The following MACROD2 variants were observed in gnomAD, a reference collection of about 807,000 sequenced individuals.
MACROD2 encodes the protein mono-ADP ribosylhydrolase 2.
Under a neutral mutation model 70.4 loss-of-function variants are expected in MACROD2, and 36 were observed. The observed-to-expected ratio is 0.51, with a 90% CI of 0.39 to 0.68. The LOEUF (loss-of-function observed/expected upper bound fraction) is 0.68, where lower values mean the gene tolerates loss of function less well. MACROD2 is among the 30% of genes least tolerant of loss of function. MACROD2 has a pLI of 0.00. For synonymous variants in MACROD2, 172 were observed against 178.8 expected, an observed-to-expected ratio of 0.96 and a Z score of 0.30; for missense variants, 496 against 538.4, an observed-to-expected ratio of 0.92 and a Z score of 0.78.
At chr20:14,670,013 C>A (rs751669484) in intron 4 of MACROD2, among the ~76,000 whole-genome samples, 12 of 151,950 alleles carry the variant, frequency 7.9e-5, no homozygotes, top group Non-Finnish European at 1.8e-4. Flanking sequence ...AACGAGGATG[C>A]TCTTGAGAAA....
At chr20:15,011,336 CAG>C (rs201514125) in intron 5 of MACROD2, among the ~76,000 whole-genome samples, 51 of 151,422 alleles carry the variant, frequency 3.4e-4, no homozygotes, top group Non-Finnish European at 4.9e-4. Context: ...GTAAGAAATA[CAG>C]AGAGAGAGAG....
At chr20:15,135,114 C>T (rs1288204297) in intron 5 of MACROD2, among the ~76,000 whole-genome samples, 1 of 151,898 alleles carries the variant, frequency 6.6e-6, no homozygotes, top group Non-Finnish European at 1.5e-5. Flanking sequence ...GATGGATTCA[C>T]AGCCGAATTC....
At position 14,326,856 on chromosome 20, in the gene MACROD2, A is replaced by G. The variant is rs1204828373; in HGVS notation, c.272-166623A>G. 6.2e-7 allele frequency: 1 copy of G among 1,613,576 alleles called. No homozygotes were observed. The highest frequency in any genetic ancestry group is 1.3e-5 in the African/African-American group (1 of 74,892). On this transcript the variant is annotated intron_variant, in intron 3 of 17. Transcript: ENST00000684519. The surrounding 1 kb of genome is among the most constrained non-coding windows in gnomAD (Gnocchi z 5.5). The stretch of plus-strand genomic sequence containing the variant: ...TAACTAGGTTGAAGAAAACTTTGTC[A>G]CCTAAACCATGATTGTTCAACAGGT...
chr20:14,151,573 A>T (rs1230647175), intron 3 of MACROD2, among the ~76,000 whole-genome samples: 1 of 152,108 alleles, frequency 6.6e-6, no homozygotes, highest in African/African-American at 2.4e-5. Flanking sequence ...ACTGTAAAGA[A>T]TGTTACCTAT....
intron 6 of MACROD2, among the ~76,000 whole-genome samples, 163 bp from the exon 7 acceptor site, chr20:15,431,242 T>A (rs1251653273): frequency 6.6e-6 from 1 of 152,060 alleles, no homozygotes; most frequent in Non-Finnish European, 1.5e-5. Flanking sequence ...CAGTTACCAG[T>A]TAATCAAATA....
chr20:14,362,787 A>C (rs1600161540), intron 3 of MACROD2, among the ~76,000 whole-genome samples: 1 of 152,280 alleles, frequency 6.6e-6, no homozygotes, highest in East Asian at 1.9e-4. Context: ...TCTCTGGGGA[A>C]AAAAAGATAT....
At chr20:15,704,713 TA>T in intron 8 of MACROD2, among the ~76,000 whole-genome samples, 1 of 152,230 alleles carries the variant, frequency 6.6e-6, no homozygotes, top group South Asian at 2.1e-4. Context: ...AAGATGGACA[TA>T]AAATGGACAT....
chr20:15,146,906 C>A (rs1198152902), intron 5 of MACROD2, among the ~76,000 whole-genome samples: 3 of 152,122 alleles, frequency 2.0e-5, no homozygotes, highest in Admixed American at 2.0e-4. Flanking sequence ...GTTTTGTCAT[C>A]ATGATTAATC....
intron 7 of MACROD2, among the ~76,000 whole-genome samples, chr20:15,464,622 G>A (rs894741491): frequency 1.3e-5 from 2 of 152,066 alleles, no homozygotes; most frequent in Non-Finnish European, 2.9e-5. Flanking sequence ...TTTTGCCTTA[G>A]CTTTATCCCA....
intron 8 of MACROD2, among the ~76,000 whole-genome samples, chr20:15,688,040 T>C (rs868045233): frequency 2.6e-5 from 4 of 152,324 alleles, no homozygotes; most frequent in Non-Finnish European, 4.4e-5. Context: ...ATAATTGTCA[T>C]GCCCATTGCC....
chr20:14,294,843 A>C (rs966169243), intron 3 of MACROD2, among the ~76,000 whole-genome samples: 1 of 151,776 alleles, frequency 6.6e-6, no homozygotes, highest in Non-Finnish European at 1.5e-5. Flanking sequence ...TTGATGAATA[A>C]AAATGAGTAA....
intron 3 of MACROD2, among the ~76,000 whole-genome samples, chr20:14,205,630 G>T (rs1030061396): frequency 2.6e-5 from 4 of 152,130 alleles, no homozygotes; most frequent in African/African-American, 9.7e-5. Context: ...GCATATTTAG[G>T]CAAGCCTCCT....
chr20:14,146,209 TC>T (rs1445941620), intron 3 of MACROD2, among the ~76,000 whole-genome samples: 1 of 151,990 alleles, frequency 6.6e-6, no homozygotes, highest in Non-Finnish European at 1.5e-5. Flanking sequence ...TCCCAGCTAC[TC>T]AGAGAGGCTG....
intron 8 of MACROD2, among the ~76,000 whole-genome samples, chr20:15,651,492 T>A (rs2146796575): frequency 6.6e-6 from 1 of 152,308 alleles, no homozygotes; most frequent in African/African-American, 2.4e-5. Flanking sequence ...TGGCAAAAGT[T>A]TGCTTCATTA....
intron 8 of MACROD2, among the ~76,000 whole-genome samples, chr20:15,691,726 T>C (rs76706976): frequency 0.046 from 7,021 of 152,222 alleles, 549 homozygotes; most frequent in African/African-American, 0.16. Context: ...TGTTGCCCAG[T>C]ACTTCTTGCT....
intron 2 of MACROD2, among the ~76,000 whole-genome samples, chr20:14,017,864 GGT>G (rs140766876): frequency 6.6e-6 from 1 of 152,176 alleles, no homozygotes; most frequent in African/African-American, 2.4e-5. Context: ...TGAGAGGATT[GGT>G]GTTAATTCTT....
chr20:15,401,753 T>C (rs2045933514), intron 6 of MACROD2, among the ~76,000 whole-genome samples: 1 of 152,188 alleles, frequency 6.6e-6, no homozygotes, highest in African/African-American at 2.4e-5. Flanking sequence ...AGGCCGACTA[T>C]AGAAAACAAT....
chr20:14,633,170 G>A (rs537806170), intron 4 of MACROD2, among the ~76,000 whole-genome samples: 2 of 152,298 alleles, frequency 1.3e-5, no homozygotes, highest in African/African-American at 2.4e-5. Context: ...CTGTGGTCAC[G>A]TTGCCTTCCC....
intron 7 of MACROD2, among the ~76,000 whole-genome samples, chr20:15,475,622 A>G (rs1209709490): frequency 6.6e-6 from 1 of 152,222 alleles, no homozygotes. Flanking sequence ...GCAGTCATCC[A>G]TCATGCTGGC....
Sources: allele counts gnomAD v4.1 joint callset (sites outside exome capture counted in the v4.1 genomes callset), GRCh38; gene constraint gnomAD v4.1.1; non-coding constraint Gnocchi (gnomAD v3.1); transcripts MANE v1.5; gene names NCBI Gene and HGNC (gene_info 2026-07-23, HGNC 2026-07-21).